Variants in AZIN2 observed in about 807,000 individuals in gnomAD.
The protein encoded by AZIN2 is antizyme inhibitor 2, also known as ODC antizyme inhibitor-2.
In AZIN2, 28 loss-of-function variants were observed where a neutral mutation model predicts 47.8. The observed-to-expected ratio is 0.59, with a 90% CI of 0.43 to 0.80. The LOEUF (loss-of-function observed/expected upper bound fraction) is 0.80, where lower values mean the gene tolerates loss of function less well. Ranked by LOEUF, AZIN2 falls within the 30% of genes least tolerant of loss-of-function variation. The pLI is 0.00. For missense variants in AZIN2, 535 were observed against 582.5 expected (o/e 0.92, Z 0.84); for synonymous variants, 221 against 239.4 (o/e 0.92, Z 0.71).
chr1:33,145,843 C>A, the AZIN2 span: 1 of 470,932 alleles, frequency 2.1e-6, no homozygotes, highest in East Asian at 6.9e-5. Flanking sequence ...CTTGCTCCAC[C>A]CACCCTAACT....
the AZIN2 span, among the ~76,000 whole-genome samples, chr1:33,140,745 C>T: frequency 6.6e-6 from 1 of 152,128 alleles, no homozygotes; most frequent in African/African-American, 2.4e-5. This position sits in a 1 kb window ranked among gnomAD's most constrained non-coding sequence, Gnocchi z 4.0. Flanking sequence ...AAAGGAGGAC[C>T]AGGTGTGGGC....
At chr1:33,161,503 C>T in the AZIN2 span, among the ~76,000 whole-genome samples, 7 of 152,288 alleles carry the variant, frequency 4.6e-5, no homozygotes, top group African/African-American at 1.2e-4. This position sits in a 1 kb window ranked among gnomAD's most constrained non-coding sequence, Gnocchi z 4.3. Flanking sequence ...GTTCCCTCCC[C>T]GACGCGCGGC....
At chr1:33,161,742 A>G in the AZIN2 span, among the ~76,000 whole-genome samples, 1 of 152,158 alleles carries the variant, frequency 6.6e-6, no homozygotes, top group Non-Finnish European at 1.5e-5. The surrounding 1 kb of genome is among the most constrained non-coding windows in gnomAD (Gnocchi z 4.3). Context: ...GCTGCCCTCC[A>G]CAGGCGCCCA....
chr1:33,160,874 G>T, the AZIN2 span, among the ~76,000 whole-genome samples: 1 of 152,208 alleles, frequency 6.6e-6, no homozygotes, highest in Non-Finnish European at 1.5e-5. Context: ...AAGGAGCAAG[G>T]ACTGGTGTTT....
chr1:33,090,863 ACCCGAG>A (rs1053252235), intron 5 of AZIN2, among the ~76,000 whole-genome samples: 27 of 152,086 alleles, frequency 1.8e-4, no homozygotes, highest in African/African-American at 6.5e-4. Context: ...CTCGCCATTG[ACCCGAG>A]CCCTTGGCAA....
chr1:33,147,669 G>T, the AZIN2 span: 1 of 1,613,860 alleles, frequency 6.2e-7, no homozygotes, highest in East Asian at 2.2e-5. This position sits in a 1 kb window ranked among gnomAD's most constrained non-coding sequence, Gnocchi z 8.1. Context: ...TGGTGCAGTC[G>T]TCCGACAGGA....
rs1020612253 is a variant in AZIN2 at position 33,113,182 on chromosome 1, A to G, written c.1030-4720A>G. Reference sequence around the variant, plus strand: ...ATGGGGTTTCACCGTGTTAACCAGGATGGTCTCGACCTCCTGACCTCATGA... The same window carrying G: ...ATGGGGTTTCACCGTGTTAACCAGGGTGGTCTCGACCTCCTGACCTCATGA... On this transcript the variant is annotated intron_variant, in intron 10 of 11. Transcript: ENST00000294517. This position sits in a 1 kb window ranked among gnomAD's most constrained non-coding sequence, Gnocchi z 4.1. Among the ~76,000 whole-genome samples, 9 of 152,120 alleles carry G rather than the reference A, an allele frequency of 5.9e-5. No individual in the cohort carries two copies. Among genetic ancestry groups the G allele is most frequent in the African/African-American group, 2.2e-4 (9 of 41,428 alleles).
the AZIN2 span, among the ~76,000 whole-genome samples, chr1:33,138,364 C>T: frequency 2.0e-5 from 3 of 152,028 alleles, no homozygotes; most frequent in East Asian, 1.9e-4. Flanking sequence ...AATAGACTCA[C>T]GTAGAAAAAA....
chr1:33,089,419 G>C (rs1569928987), intron 5 of AZIN2, among the ~76,000 whole-genome samples: 2 of 152,202 alleles, frequency 1.3e-5, no homozygotes, highest in East Asian at 3.9e-4. Context: ...GCAATGTAGT[G>C]AGACCCTGTC....
chr1:33,101,931 TCTC>T (rs1290396657), intron 10 of AZIN2: 1 of 773,592 alleles, frequency 1.3e-6, no homozygotes. Context: ...ATTTGTCCAT[TCTC>T]CTCTCAAGGC....
chr1:33,111,244 TA>T (rs1290735154), intron 10 of AZIN2, among the ~76,000 whole-genome samples: 2 of 152,246 alleles, frequency 1.3e-5, no homozygotes, highest in Non-Finnish European at 1.5e-5. Context: ...GGCTGAACTT[TA>T]ATTACTAATG....
At chr1:33,149,999 T>G in the AZIN2 span, among the ~76,000 whole-genome samples, 2,480 of 152,310 alleles carry the variant, frequency 0.016, 28 homozygotes, top group Non-Finnish European at 0.024. Flanking sequence ...ATCACCTGGC[T>G]CTGGGCTGGC....
the AZIN2 span, among the ~76,000 whole-genome samples, chr1:33,135,909 C>T: frequency 1.3e-5 from 2 of 152,168 alleles, no homozygotes; most frequent in Admixed American, 1.3e-4. Flanking sequence ...GTGAAGAGCA[C>T]AGTGAGGGGT....
intron 4 of AZIN2, 146 bp from the exon 5 acceptor site, chr1:33,083,808 G>T: frequency 1.1e-6 from 1 of 895,596 alleles, no homozygotes; most frequent in Non-Finnish European, 1.8e-6. Flanking sequence ...CTGCCCTGTA[G>T]GCTTGGGGAG....
At chr1:33,119,714 CTGAT>C (rs1020957219) in intron 11 of AZIN2, 4 of 380,368 alleles carry the variant, frequency 1.1e-5, no homozygotes, top group Non-Finnish European at 1.5e-5. Context: ...CTCTGGGGAA[CTGAT>C]TGATTACATC....
chr1:33,156,273 G>A, the AZIN2 span, among the ~76,000 whole-genome samples: 11 of 152,064 alleles, frequency 7.2e-5, no homozygotes, highest in Non-Finnish European at 1.6e-4. Context: ...TCTCTCCTTC[G>A]CTTGAAAACT....
the AZIN2 span, among the ~76,000 whole-genome samples, chr1:33,154,092 G>A: frequency 1.3e-5 from 2 of 152,238 alleles, no homozygotes; most frequent in Admixed American, 1.3e-4. Context: ...TGCAGCCGAA[G>A]GGAATGGCAT....
chr1:33,097,216 T>C (rs926083855), intron 9 of AZIN2, among the ~76,000 whole-genome samples: 8 of 152,170 alleles, frequency 5.3e-5, no homozygotes, highest in African/African-American at 1.7e-4. Flanking sequence ...ACCCCATGTC[T>C]GTCTCCTCTC....
At position 33,120,025 on chromosome 1, in the gene AZIN2, A is replaced by G; in HGVS notation, c.1245-19A>G. The G allele has an allele frequency of 2.5e-6, 4 of 1,613,150 alleles. No homozygotes were observed. The highest frequency in any genetic ancestry group is 3.4e-6 in the Non-Finnish European group (4 of 1,179,846). On this transcript the variant is annotated intron_variant, in intron 11 of 11. Transcript: ENST00000294517. The stretch of plus-strand genomic sequence containing the variant: ...CAGTCCCATGCTGGCTACTTGCAGC[A>G]CCCCTCTCTCACCCCTAGGGAAGCG...
Sources: allele counts gnomAD v4.1 joint callset (sites outside exome capture counted in the v4.1 genomes callset), GRCh38; gene constraint gnomAD v4.1.1; non-coding constraint Gnocchi (gnomAD v3.1); transcripts MANE v1.5; gene names NCBI Gene and HGNC (gene_info 2026-07-23, HGNC 2026-07-21).